Variants in OSBPL11 observed in about 807,000 individuals in gnomAD.
The protein encoded by OSBPL11 is oxysterol binding protein like 11.
In OSBPL11, 33 loss-of-function variants were observed where a neutral mutation model predicts 84.4. The observed-to-expected ratio is 0.39, with a 90% confidence interval of 0.30 to 0.52. OSBPL11 has a LOEUF of 0.52. Among genes scored for constraint, OSBPL11 ranks in the 20% least tolerant of loss-of-function variants. The pLI, the probability that OSBPL11 is intolerant of heterozygous loss-of-function variation, is 0.72. For synonymous variants in OSBPL11, 276 were observed against 310.2 expected (o/e 0.89, Z 1.16); for missense variants, 736 against 901.1 (o/e 0.82, Z 2.35).
chr3:125,542,727 G>T (rs1935750391), intron 10 of OSBPL11, among the ~76,000 whole-genome samples: 1 of 152,030 alleles, frequency 6.6e-6, no homozygotes, highest in Non-Finnish European at 1.5e-5. Context: ...AGCCAGGATG[G>T]TCTCGATCTC....
intron 8 of OSBPL11, among the ~76,000 whole-genome samples, chr3:125,559,273 C>T (rs563978104): frequency 2.6e-5 from 4 of 152,282 alleles, no homozygotes; most frequent in African/African-American, 7.2e-5. Flanking sequence ...TGTAGGATTA[C>T]GTAATTTTCT....
chr3:125,564,570 G>T (rs1936128390), intron 6 of OSBPL11, among the ~76,000 whole-genome samples: 1 of 151,828 alleles, frequency 6.6e-6, no homozygotes, highest in Non-Finnish European at 1.5e-5. Flanking sequence ...GCTGATCTAG[G>T]TTTCACAGAA....
At chr3:125,593,455 ACT>A (rs1413583487) in intron 1 of OSBPL11, among the ~76,000 whole-genome samples, 1 of 151,896 alleles carries the variant, frequency 6.6e-6, no homozygotes, top group African/African-American at 2.4e-5. Context: ...CCCCATCTCT[ACT>A]AAAAATACAA....
chr3:125,582,601 C>T (rs113678143), intron 2 of OSBPL11, among the ~76,000 whole-genome samples: 2 of 152,274 alleles, frequency 1.3e-5, no homozygotes, highest in African/African-American at 4.8e-5. Context: ...TTTGCTGTCT[C>T]CAAACCCCTA....
At chr3:125,574,378 A>C (rs2107606247) in intron 5 of OSBPL11, among the ~76,000 whole-genome samples, 1 of 152,268 alleles carries the variant, frequency 6.6e-6, no homozygotes, top group Admixed American at 6.5e-5. Flanking sequence ...TTCTCTATAT[A>C]AAAAGTGGGA....
chr3:125,588,850 T>C (rs1363728449), intron 1 of OSBPL11, among the ~76,000 whole-genome samples: 1 of 152,212 alleles, frequency 6.6e-6, no homozygotes, highest in Non-Finnish European at 1.5e-5. Flanking sequence ...CTCAGTAACC[T>C]GCCCACCTCC....
chr3:125,578,922 C>A, intron 4 of OSBPL11, 38 bp downstream of exon 4: 1 of 1,273,654 alleles, frequency 7.9e-7, no homozygotes. Context: ...ATTCCTTCCT[C>A]ATTTTTGTAT....
At chr3:125,586,052 CAT>C (rs1936505004) in intron 1 of OSBPL11, among the ~76,000 whole-genome samples, 1 of 152,042 alleles carries the variant, frequency 6.6e-6, no homozygotes, top group Non-Finnish European at 1.5e-5. Context: ...GCCTGGGCAA[CAT>C]AGGGAGACCC....
chr3:125,556,335 G>T lies in OSBPL11; in HGVS notation c.1156-3656C>A, dbSNP rs142984912. On this transcript the variant is annotated intron_variant, in intron 8 of 12. Transcript: ENST00000296220. ...AGTGTATCTGTATTTGGCTTGTGTT[G>T]ACTATCTGCTGGTGAAGTTCTTAGT... 1.5e-4 allele frequency among the ~76,000 whole-genome samples: 23 copies of T among 152,268 alleles called. No homozygotes were observed. The East Asian group carries it at 3.1e-3, about 20-fold the overall frequency.
chr3:125,546,165 T>G (rs372919990), intron 10 of OSBPL11, among the ~76,000 whole-genome samples: 150 of 143,458 alleles, frequency 1.0e-3, no homozygotes, highest in African/African-American at 3.0e-3. Flanking sequence ...TTCGTTTTTT[T>G]TGTGTGTGTG....
intron 2 of OSBPL11, among the ~76,000 whole-genome samples, chr3:125,582,469 T>C (rs567620962): frequency 6.6e-6 from 1 of 152,208 alleles, no homozygotes; most frequent in Non-Finnish European, 1.5e-5. Flanking sequence ...TATAAAGTAT[T>C]TGAGATAGCT....
chr3:125,530,481 G>T lies in OSBPL11; in HGVS notation c.*34C>A. ...GGGAGGATTTAGGGTAAACAGAGAAGAACCTCATTTGGTCGAGTTTTAGAT... is the reference window on the plus strand; with the variant it reads ...GGGAGGATTTAGGGTAAACAGAGAATAACCTCATTTGGTCGAGTTTTAGAT... On this transcript the variant is annotated 3_prime_UTR_variant, in exon 13 of 13. Coordinates refer to ENST00000296220, the MANE Select transcript of OSBPL11 (RefSeq NM_022776.5). 3 of 1,582,502 alleles carry T rather than the reference G, an allele frequency of 1.9e-6. No homozygotes were observed. Among genetic ancestry groups the T allele is most frequent in the Non-Finnish European group, 2.6e-6 (3 of 1,151,474 alleles).
rs189980711 is a variant in OSBPL11, at chr3:125,538,081, C to T, written c.2024+370G>A. On this transcript the variant is annotated intron_variant, in intron 11 of 12. Transcript: ENST00000296220. ...TCCTTGGTTGAGCATTTAAGATGTT[C>T]CGATATTTTTGCACTACCTCTTTAC... 1.3e-3 allele frequency among the ~76,000 whole-genome samples: 193 copies of T among 152,292 alleles called. 3 individuals carry two copies. Among genetic ancestry groups the T allele is most frequent in the Middle Eastern group, 3.4e-3 (1 of 294 alleles).
intron 4 of OSBPL11, among the ~76,000 whole-genome samples, 196 bp downstream of exon 4, chr3:125,578,764 C>T (rs1410034438): frequency 1.3e-5 from 2 of 150,012 alleles, no homozygotes; most frequent in Admixed American, 6.7e-5. Context: ...GAGAGAGACT[C>T]CGTCTCAAAA....
chr3:125,576,560 G>T (rs188614060), intron 4 of OSBPL11, among the ~76,000 whole-genome samples, 195 bp from the exon 5 acceptor site: 2 of 152,234 alleles, frequency 1.3e-5, no homozygotes, highest in East Asian at 3.9e-4. Context: ...TATCCCAAAG[G>T]AAACTGGTAA....
chr3:125,585,898 T>C (rs1936503259), intron 1 of OSBPL11, among the ~76,000 whole-genome samples: 1 of 152,200 alleles, frequency 6.6e-6, no homozygotes, highest in Non-Finnish European at 1.5e-5. Context: ...ATTGAGTTAC[T>C]ACACAGTATC....
At chr3:125,555,745 C>T (rs914983424) in intron 8 of OSBPL11, among the ~76,000 whole-genome samples, 3 of 151,876 alleles carry the variant, frequency 2.0e-5, no homozygotes, top group Non-Finnish European at 4.4e-5. Flanking sequence ...AGTGCAGTGG[C>T]GTCATCTCAG....
chr3:125,586,113 A>G (rs1052507470), intron 1 of OSBPL11, among the ~76,000 whole-genome samples: 3 of 152,224 alleles, frequency 2.0e-5, no homozygotes, highest in African/African-American at 7.2e-5. Flanking sequence ...AAATTTTTAT[A>G]GAATATTTTT....
intron 1 of OSBPL11, among the ~76,000 whole-genome samples, chr3:125,588,670 A>G (rs1309871235): frequency 6.6e-6 from 1 of 152,226 alleles, no homozygotes; most frequent in Non-Finnish European, 1.5e-5. Context: ...CTGGATAAGA[A>G]ATAGCATGAA....
Sources: allele counts gnomAD v4.1 joint callset (sites outside exome capture counted in the v4.1 genomes callset), GRCh38; gene constraint gnomAD v4.1.1; transcripts MANE v1.5; gene names NCBI Gene and HGNC (gene_info 2026-07-23, HGNC 2026-07-21).